The following GSE1 variants were observed in gnomAD, a reference collection of about 807,000 sequenced individuals.
The protein encoded by GSE1 is genetic suppressor element 1.
A neutral mutation model predicts 112.6 loss-of-function variants in GSE1; 32 were observed. The ratio of observed to expected loss-of-function variants is 0.28; its 90% CI spans 0.21 to 0.38. The LOEUF is 0.38. GSE1 is among the 10% of genes least tolerant of loss of function. The probability of loss-of-function intolerance (pLI) is 1.00; values close to 1 mark genes in which losing one functional copy is unlikely to be tolerated. For missense variants in GSE1, 2,348 were observed against 1,699.2 expected, an observed-to-expected ratio of 1.38 and a Z score of -6.71; for synonymous variants, 1,115 against 735.6, an observed-to-expected ratio of 1.52 and a Z score of -8.35.
intron 2 of GSE1, among the ~76,000 whole-genome samples, chr16:85,403,975 A>C (rs1466782081): frequency 6.6e-6 from 1 of 151,766 alleles, no homozygotes; most frequent in African/African-American, 2.4e-5. Context: ...CGCTCACTGC[A>C]GCCTTCAGGG....
rs949849544 is a variant in GSE1, at chr16:85,242,465, A to G, written c.2283+70658A>G. Among the ~76,000 whole-genome samples, 10 of 152,366 alleles carry G rather than the reference A, an allele frequency of 6.6e-5. No homozygotes were observed. The East Asian group carries it at 1.2e-3, about 18-fold the overall frequency. On this transcript the variant is annotated intron_variant, in intron 1 of 2. Transcript: ENST00000637419. ...TTCCATCTTTCTGTCGGTGCCCCGC[A>G]GGGCAGGGCCTGTGCTCGGCCACTT...
intron 2 of GSE1, among the ~76,000 whole-genome samples, chr16:85,417,538 G>A (rs2048730654): frequency 6.6e-6 from 1 of 152,248 alleles, no homozygotes; most frequent in Non-Finnish European, 1.5e-5. Flanking sequence ...ATAGCGGTAG[G>A]AAGCTCACCT....
intron 14 of GSE1, among the ~76,000 whole-genome samples, chr16:85,668,780 G>A (rs1054210850): frequency 1.3e-5 from 2 of 152,214 alleles, no homozygotes; most frequent in African/African-American, 4.8e-5. Context: ...AGCCCTGGCA[G>A]CTAGGCCTGG....
chr16:85,319,049 G>A (rs1168756186), intron 1 of GSE1, among the ~76,000 whole-genome samples: 1 of 152,194 alleles, frequency 6.6e-6, no homozygotes, highest in Non-Finnish European at 1.5e-5. Context: ...TCTTGGAAGG[G>A]TGGAGTGGCG....
chr16:85,414,581 G>T (rs1312953296), intron 2 of GSE1, among the ~76,000 whole-genome samples: 1 of 152,232 alleles, frequency 6.6e-6, no homozygotes, highest in African/African-American at 2.4e-5. Flanking sequence ...CTTTGGAGAA[G>T]GGAGACAGCA....
upstream of GSE1, chr16:85,611,618 G>A (rs1217698432): frequency 2.4e-6 from 1 of 423,828 alleles, no homozygotes; most frequent in East Asian, 1.6e-4. Flanking sequence ...GCAAGGCGGG[G>A]GGCCGGCCCG....
chr16:85,547,063 C>A (rs2044726917), intron 2 of GSE1, among the ~76,000 whole-genome samples: 1 of 152,200 alleles, frequency 6.6e-6, no homozygotes, highest in Non-Finnish European at 1.5e-5. Flanking sequence ...CCTCACCACA[C>A]CCCTGTCCAG....
chr16:85,175,500 G>C (rs2074443600), intron 1 of GSE1, among the ~76,000 whole-genome samples: 1 of 152,244 alleles, frequency 6.6e-6, no homozygotes, highest in Non-Finnish European at 1.5e-5. Flanking sequence ...CCTTGGAACC[G>C]AGTGAGCCGG....
rs1157920854 is a variant in GSE1 at position 85,373,270 on chromosome 16, C to T, written c.2464+15627C>T. 2.0e-5 allele frequency among the ~76,000 whole-genome samples: 3 copies of T among 152,232 alleles called. No homozygotes were observed. The highest frequency in any genetic ancestry group is 4.8e-5 in the African/African-American group (2 of 41,448). ...TCGCTCCATGCTGGGATCCCCCACT[C>T]TCACGCGCTCTCCCTCCACCCCTTT... is the stretch of plus-strand genomic sequence containing the variant. On this transcript the variant is annotated intron_variant, in intron 2 of 2. Transcript: ENST00000637419. The surrounding 1 kb of genome is among the most constrained non-coding windows in gnomAD (Gnocchi z 5.1).
intron 1 of GSE1, among the ~76,000 whole-genome samples, chr16:85,627,596 C>T (rs2049181661): frequency 6.6e-6 from 1 of 152,116 alleles, no homozygotes; most frequent in Admixed American, 6.5e-5. Flanking sequence ...ACCTGGTCCA[C>T]CTAGACCCCT....
At chr16:85,516,252 C>G (rs2151941685) in intron 2 of GSE1, among the ~76,000 whole-genome samples, 1 of 152,186 alleles carries the variant, frequency 6.6e-6, no homozygotes, top group Middle Eastern at 3.4e-3. Context: ...CACCTGTGAT[C>G]TCAGGACCTT....
chr16:85,447,066 G>T (rs2049536296), intron 2 of GSE1, among the ~76,000 whole-genome samples: 1 of 152,168 alleles, frequency 6.6e-6, no homozygotes, highest in South Asian at 2.1e-4. Flanking sequence ...CCTGCCCTGA[G>T]CAGTGACCCT....
chr16:85,512,555 G>A (rs1373861519), intron 2 of GSE1, among the ~76,000 whole-genome samples: 1 of 152,158 alleles, frequency 6.6e-6, no homozygotes, highest in African/African-American at 2.4e-5. Flanking sequence ...TTTGATATGT[G>A]TGGTGTTTTC....
intron 1 of GSE1, among the ~76,000 whole-genome samples, chr16:85,625,066 C>G (rs1383083086): frequency 6.6e-6 from 1 of 152,300 alleles, no homozygotes; most frequent in East Asian, 1.9e-4. Context: ...AGTCACAGCT[C>G]TGGACACCGA....
intron 1 of GSE1, among the ~76,000 whole-genome samples, chr16:85,263,171 C>G (rs192665155): frequency 1.3e-5 from 2 of 152,144 alleles, no homozygotes; most frequent in Non-Finnish European, 2.9e-5. Context: ...GTTGTAGCTT[C>G]AAAGAGTGTG....
chr16:85,507,487 G>T (rs937572459), intron 2 of GSE1, among the ~76,000 whole-genome samples: 1 of 152,246 alleles, frequency 6.6e-6, no homozygotes, highest in Non-Finnish European at 1.5e-5. Context: ...TTCTTCTGTT[G>T]GGGCTGCCAT....
At chr16:85,558,374 G>C (rs1419337140) in intron 1 of GSE1, among the ~76,000 whole-genome samples, 1 of 151,860 alleles carries the variant, frequency 6.6e-6, no homozygotes, top group Non-Finnish European at 1.5e-5. Context: ...TTAAGTACAG[G>C]GCGTCTTCAA....
At chr16:85,281,856 T>G (rs140822928) in intron 1 of GSE1, among the ~76,000 whole-genome samples, 4 of 152,138 alleles carry the variant, frequency 2.6e-5, no homozygotes, top group Admixed American at 1.3e-4. Context: ...CGGAATAGAT[T>G]CACGTTATCT....
In GSE1 at chr16:85,383,527, GTCTCTCTCTCTCTC is replaced by G. The variant is rs55919597; in HGVS notation, c.2464+25918_2464+25931del. Among the ~76,000 whole-genome samples the G allele has an allele frequency of 5.5e-3, 724 of 130,842 alleles. 8 individuals carry two copies. The highest frequency in any genetic ancestry group is 0.015 in the African/African-American group (592 of 38,364). 85.8% of individuals were successfully genotyped at this position (130,842 alleles called of 152,430 possible). A position where few individuals can be genotyped will look rare whatever the true frequency, so the allele number is the denominator to read the frequency against. ...CACACACACACACACGCACACCTGC[GTCTCTCTCTCTCTC>G]TCTCTCTCTCTCTCTCTCTCTCTCT... On this transcript the variant is annotated intron_variant, in intron 2 of 2. Transcript: ENST00000637419.
Sources: allele counts gnomAD v4.1 joint callset (sites outside exome capture counted in the v4.1 genomes callset), GRCh38; gene constraint gnomAD v4.1.1; non-coding constraint Gnocchi (gnomAD v3.1); transcripts MANE v1.5; gene names NCBI Gene and HGNC (gene_info 2026-07-23, HGNC 2026-07-21).